TMEM150C: variants seen among roughly 807,000 people sequenced by gnomAD.
TMEM150C encodes tentonin 3.
A neutral mutation model predicts 29.9 loss-of-function variants in TMEM150C; 10 were observed. That is an observed-to-expected ratio of 0.33 (90% CI 0.21 to 0.57). TMEM150C has a LOEUF of 0.57. Among genes scored for constraint, TMEM150C ranks in the 20% least tolerant of loss-of-function variants. TMEM150C has a pLI of 0.88. For synonymous variants in TMEM150C, 101 were observed against 112.5 expected (o/e 0.90, Z 0.64); for missense variants, 251 against 303.6 (o/e 0.83, Z 1.29).
chr4:82,512,541 G>A (rs1724161021), intron 1 of TMEM150C, among the ~76,000 whole-genome samples: 1 of 152,146 alleles, frequency 6.6e-6, no homozygotes, highest in Non-Finnish European at 1.5e-5. Flanking sequence ...CTGTGAGTAA[G>A]TTCTCTCCAA....
chr4:82,488,332 A>T (rs1191908881), intron 7 of TMEM150C, among the ~76,000 whole-genome samples: 1 of 152,264 alleles, frequency 6.6e-6, no homozygotes, highest in Non-Finnish European at 1.5e-5. Context: ...GCTGAGCCTG[A>T]GTTTAAATCT....
At chr4:82,532,615 T>C (rs1313483690) in intron 1 of TMEM150C, among the ~76,000 whole-genome samples, 6 of 152,198 alleles carry the variant, frequency 3.9e-5, no homozygotes, top group Non-Finnish European at 1.5e-5. Context: ...TGTGTATATA[T>C]GTATGTATAT....
chr4:82,552,641 TA>T (rs1455537127), intron 1 of TMEM150C, among the ~76,000 whole-genome samples: 2 of 152,080 alleles, frequency 1.3e-5, no homozygotes. Context: ...GGGAAGCTTT[TA>T]AAAAAAAGTT....
rs1404193363 is a variant in TMEM150C, at chr4:82,484,489, A to C, written c.*1022T>G. 6.6e-6 allele frequency: 1 copy of C among 152,090 alleles called. No homozygotes were observed. The highest frequency in any genetic ancestry group is 2.4e-5 in the African/African-American group (1 of 41,426). The allele number at this position is 152,090 out of a possible 1,614,324, so 9.4% of individuals were successfully genotyped here. A position where few individuals can be genotyped will look rare whatever the true frequency, so the allele number is the denominator to read the frequency against. ...TCTCCCCTGATTTGGACTTGCAACA[A>C]GATACTGTAAGGTGCCTATCTTTGA... On this transcript the variant is annotated 3_prime_UTR_variant, in exon 8 of 8. Coordinates refer to ENST00000449862, the MANE Select transcript of TMEM150C (RefSeq NM_001080506.3).
rs550314209 is a variant in TMEM150C at position 82,527,320 on chromosome 4, C to G, written c.-10-22653G>C. Among the ~76,000 whole-genome samples, 16 of 152,232 alleles carry G rather than the reference C, an allele frequency of 1.1e-4. No homozygotes were observed. The South Asian group carries it at 3.3e-3, about 32-fold the overall frequency. On this transcript the variant is annotated intron_variant, in intron 1 of 7. Transcript: ENST00000449862. ...TTTAGATGTTCAGAGCCACTCTGTT[C>G]TTATGTTCCGAGGATCAGGGCAGGT...
chr4:82,501,129 C>T (rs1486471616), intron 5 of TMEM150C, among the ~76,000 whole-genome samples: 1 of 152,216 alleles, frequency 6.6e-6, no homozygotes, highest in Non-Finnish European at 1.5e-5. Context: ...GCAAATGTTC[C>T]TTAGCAGCTA....
At chr4:82,503,863 A>G (rs1241424543) in intron 2 of TMEM150C, among the ~76,000 whole-genome samples, 4 of 151,946 alleles carry the variant, frequency 2.6e-5, no homozygotes, top group Non-Finnish European at 4.4e-5. Context: ...AAAAAACAAA[A>G]ACAAAAAACA....
intron 1 of TMEM150C, among the ~76,000 whole-genome samples, chr4:82,519,144 A>T (rs1724393342): frequency 6.6e-6 from 1 of 152,194 alleles, no homozygotes; most frequent in Non-Finnish European, 1.5e-5. Flanking sequence ...CAATCTGCCA[A>T]ACCTGCTCGA....
At chr4:82,495,225 G>A in intron 6 of TMEM150C, 3 of 288,348 alleles carry the variant, frequency 1.0e-5, no homozygotes, top group Admixed American at 8.2e-5. Flanking sequence ...GGCAGATCGC[G>A]AGGTCAGGAG....
intron 1 of TMEM150C, among the ~76,000 whole-genome samples, chr4:82,518,090 C>T (rs548166012): frequency 3.6e-4 from 54 of 151,996 alleles, no homozygotes; most frequent in South Asian, 2.5e-3. Context: ...CTGAGGCGGG[C>T]GGATCATCTG....
intron 6 of TMEM150C, 45 bp downstream of exon 6, chr4:82,496,023 G>A: frequency 2.5e-6 from 4 of 1,612,346 alleles, no homozygotes; most frequent in Non-Finnish European, 3.4e-6. Context: ...AGAAGTGAAG[G>A]TCTTACCAGT....
intron 1 of TMEM150C, among the ~76,000 whole-genome samples, chr4:82,556,167 G>A (rs1046090243): frequency 1.3e-5 from 2 of 151,940 alleles, no homozygotes; most frequent in African/African-American, 4.8e-5. Flanking sequence ...TAGTAGAGAC[G>A]GGGTTTTGCC....
intron 6 of TMEM150C, chr4:82,495,570 T>G (rs1723527293): frequency 2.8e-6 from 1 of 353,468 alleles, no homozygotes; most frequent in Non-Finnish European, 5.5e-6. Context: ...ATGCTCAGAT[T>G]GGCATCCACA....
At chr4:82,561,994 G>C, upstream of TMEM150C, 1 of 1,108,370 alleles carries the variant, frequency 9.0e-7, no homozygotes. Context: ...CGGGTAGGGC[G>C]CTTCCTTCAG....
At chr4:82,532,255 G>A (rs570554711) in intron 1 of TMEM150C, among the ~76,000 whole-genome samples, 11 of 152,326 alleles carry the variant, frequency 7.2e-5, no homozygotes. Context: ...AAATTGAAAT[G>A]CAAATATTTC....
chr4:82,541,339 G>A (rs1006867549), intron 1 of TMEM150C, among the ~76,000 whole-genome samples: 3 of 152,090 alleles, frequency 2.0e-5, no homozygotes, highest in African/African-American at 7.2e-5. Flanking sequence ...CTTAGAGAGA[G>A]GAGGCAATGT....
At chr4:82,531,679 CG>C (rs1724850569) in intron 1 of TMEM150C, among the ~76,000 whole-genome samples, 1 of 141,792 alleles carries the variant, frequency 7.1e-6, no homozygotes, top group South Asian at 2.4e-4. Context: ...TGCTTGAACC[CG>C]GGAGGTGGAG....
chr4:82,521,294 G>T (rs1184333246), intron 1 of TMEM150C, among the ~76,000 whole-genome samples: 1 of 152,058 alleles, frequency 6.6e-6, no homozygotes, highest in Non-Finnish European at 1.5e-5. Context: ...TTTACCTTTT[G>T]CTCCTTGTTT....
At chr4:82,522,847 C>G (rs895458863) in intron 1 of TMEM150C, among the ~76,000 whole-genome samples, 1 of 152,106 alleles carries the variant, frequency 6.6e-6, no homozygotes, top group Non-Finnish European at 1.5e-5. Flanking sequence ...ACCAACCTAA[C>G]GGGATTCTTG....
Sources: allele counts gnomAD v4.1 joint callset (sites outside exome capture counted in the v4.1 genomes callset), GRCh38; gene constraint gnomAD v4.1.1; transcripts MANE v1.5; gene names NCBI Gene and HGNC (gene_info 2026-07-23, HGNC 2026-07-21).